Variants in VWC2L observed in about 807,000 individuals in gnomAD.
VWC2L encodes von Willebrand factor C domain containing 2 like.
A neutral mutation model predicts 21.6 loss-of-function variants in VWC2L; 10 were observed. The observed-to-expected ratio is 0.46, with a 90% confidence interval of 0.29 to 0.78. The LOEUF (loss-of-function observed/expected upper bound fraction) is 0.78. Ranked by LOEUF, VWC2L falls within the 30% of genes least tolerant of loss-of-function variation. The pLI is 0.10. For missense variants in VWC2L, 209 were observed against 277.1 expected, an observed-to-expected ratio of 0.75 and a Z score of 1.74; for synonymous variants, 96 against 94.3, an observed-to-expected ratio of 1.02 and a Z score of -0.10.
intron 1 of VWC2L, among the ~76,000 whole-genome samples, chr2:214,413,320 A>C (rs1559282750): frequency 6.6e-6 from 1 of 152,100 alleles, no homozygotes; most frequent in Non-Finnish European, 1.5e-5. Flanking sequence ...GTAAATTTAT[A>C]GATAGATCTT....
At chr2:214,518,957 G>A (rs1689188614) in intron 3 of VWC2L, among the ~76,000 whole-genome samples, 1 of 152,082 alleles carries the variant, frequency 6.6e-6, no homozygotes, top group Non-Finnish European at 1.5e-5. Flanking sequence ...GATCTTACTA[G>A]AAGGCCAATA....
chr2:214,452,336 A>G (rs368295052), intron 3 of VWC2L, among the ~76,000 whole-genome samples: 4 of 152,094 alleles, frequency 2.6e-5, no homozygotes, highest in Admixed American at 2.0e-4. Flanking sequence ...TTGTAAAGAC[A>G]GGTTTTTGCC....
intron 3 of VWC2L, among the ~76,000 whole-genome samples, chr2:214,443,234 CTG>C (rs1170156276): frequency 6.6e-6 from 1 of 151,882 alleles, no homozygotes; most frequent in East Asian, 1.9e-4. Context: ...AAAAAGCTGT[CTG>C]TGGTGTGTGC....
chr2:214,415,797 T>C (rs956555654), intron 2 of VWC2L, among the ~76,000 whole-genome samples: 1 of 152,182 alleles, frequency 6.6e-6, no homozygotes, highest in Non-Finnish European at 1.5e-5. Context: ...GAAATTTTAA[T>C]TGTGACATTC....
intron 3 of VWC2L, among the ~76,000 whole-genome samples, chr2:214,499,970 T>C (rs916687162): frequency 3.3e-5 from 5 of 152,156 alleles, no homozygotes; most frequent in African/African-American, 1.2e-4. Context: ...ATAGGATAGT[T>C]GGGAAAGGCC....
chr2:214,512,008 T>C (rs928420116), intron 3 of VWC2L, among the ~76,000 whole-genome samples: 1 of 151,878 alleles, frequency 6.6e-6, no homozygotes, highest in Non-Finnish European at 1.5e-5. Flanking sequence ...CTCATTAGTG[T>C]TTCTCTTTTT....
Position 214,455,409 on chromosome 2 carries a change from AT to A in VWC2L, c.520+18657del, listed in dbSNP as rs371542812. On this transcript the variant is annotated intron_variant, in intron 3 of 3. Coordinates refer to ENST00000312504, the MANE Select transcript of VWC2L (RefSeq NM_001080500.4). ...GATTCTATGTAATTTCAGCTTTCTC[AT>A]TTTTTAACCAATATATTTGCACATA... 2.1e-4 allele frequency among the ~76,000 whole-genome samples: 32 copies of A among 152,128 alleles called. No homozygotes were observed. In the South Asian group the frequency reaches 6.4e-3, roughly 31 times the overall value.
intron 3 of VWC2L, among the ~76,000 whole-genome samples, chr2:214,541,345 C>T (rs565751647): frequency 9.7e-4 from 147 of 152,050 alleles, no homozygotes; most frequent in Middle Eastern, 6.3e-3. Flanking sequence ...CTACATCAGG[C>T]TGAAACACTA....
chr2:214,414,786 T>A (rs940431036), intron 2 of VWC2L: 25 of 604,174 alleles, frequency 4.1e-5, no homozygotes, highest in Middle Eastern at 4.4e-4. Context: ...AGTTGCACAA[T>A]AACCTTTATT....
At chr2:214,478,742 C>G (rs1688561394) in intron 3 of VWC2L, among the ~76,000 whole-genome samples, 1 of 152,148 alleles carries the variant, frequency 6.6e-6, no homozygotes, top group African/African-American at 2.4e-5. Flanking sequence ...TACTCAATCC[C>G]CTCTTGCCTT....
At chr2:214,514,625 G>C (rs933456860) in intron 3 of VWC2L, among the ~76,000 whole-genome samples, 2 of 152,162 alleles carry the variant, frequency 1.3e-5, no homozygotes, top group Admixed American at 6.5e-5. Context: ...TTGCAATCCT[G>C]TGTCCTACAA....
chr2:214,544,786 G>C (rs1238416324), intron 3 of VWC2L, among the ~76,000 whole-genome samples: 1 of 152,066 alleles, frequency 6.6e-6, no homozygotes, highest in South Asian at 2.1e-4. Flanking sequence ...TTATGCTATA[G>C]GGTATTCTAC....
intron 2 of VWC2L, among the ~76,000 whole-genome samples, chr2:214,434,060 A>G (rs1021118065): frequency 4.6e-5 from 7 of 152,224 alleles, no homozygotes; most frequent in African/African-American, 1.7e-4. Flanking sequence ...CGTACAGTAC[A>G]TAAATAAAGC....
chr2:214,529,764 G>C (rs1056068866), intron 3 of VWC2L, among the ~76,000 whole-genome samples: 1 of 152,166 alleles, frequency 6.6e-6, no homozygotes, highest in Non-Finnish European at 1.5e-5. Flanking sequence ...TATAATGTTT[G>C]AGGAAGTCAA....
intron 3 of VWC2L, among the ~76,000 whole-genome samples, chr2:214,497,068 C>A (rs1057466548): frequency 6.6e-6 from 1 of 152,162 alleles, no homozygotes; most frequent in South Asian, 2.1e-4. Context: ...AATTAAAAAG[C>A]AAATCCTATA....
chr2:214,520,769 T>C (rs1689224941), intron 3 of VWC2L, among the ~76,000 whole-genome samples: 1 of 152,014 alleles, frequency 6.6e-6, no homozygotes, highest in South Asian at 2.1e-4. Context: ...CAAAACTACA[T>C]ATGCGATATG....
intron 2 of VWC2L, among the ~76,000 whole-genome samples, chr2:214,421,980 CCCGGGTTCACGCCATTCT>C (rs1313088663): frequency 1.4e-5 from 2 of 145,820 alleles, no homozygotes; most frequent in African/African-American, 5.2e-5. Context: ...AGCTCCGCCT[CCCGGGTTCACGCCATTCT>C]CCTGCCTCAG....
intron 3 of VWC2L, among the ~76,000 whole-genome samples, chr2:214,465,007 C>T (rs1703194951): frequency 6.6e-6 from 1 of 152,070 alleles, no homozygotes; most frequent in East Asian, 1.9e-4. Context: ...TGGATCCTTC[C>T]AGGCCTAGGT....
chr2:214,468,885 CAA>C (rs1441486092), intron 3 of VWC2L, among the ~76,000 whole-genome samples: 2 of 152,136 alleles, frequency 1.3e-5, no homozygotes, highest in Non-Finnish European at 2.9e-5. Flanking sequence ...ATGGAATACA[CAA>C]ACTTTGTAAA....
Sources: gnomAD v4.1 joint callset for allele counts (sites outside exome capture counted in the v4.1 genomes callset) on GRCh38, gnomAD v4.1.1 for gene constraint, MANE v1.5 for transcripts, NCBI Gene and HGNC (gene_info 2026-07-23, HGNC 2026-07-21) for gene names.